CLDN14: variants seen among roughly 807,000 people sequenced by gnomAD.
CLDN14 encodes the protein claudin-14.
In CLDN14, 2 loss-of-function variants were observed where a neutral mutation model predicts 2.1. The observed-to-expected ratio is 0.96, with a 90% CI of 0.39 to 3.01. The LOEUF (loss-of-function observed/expected upper bound fraction) is 3.01. Ranked by LOEUF, CLDN14 falls within the 30% of genes most tolerant of loss-of-function variation. CLDN14 has a pLI of 0.09. For synonymous variants in CLDN14, 136 were observed against 154.4 expected, an observed-to-expected ratio of 0.88 and a Z score of 0.88; for missense variants, 298 against 328.0, an observed-to-expected ratio of 0.91 and a Z score of 0.71.
chr21:36,507,275 C>T (rs1191323420), intron 2 of CLDN14, among the ~76,000 whole-genome samples: 2 of 152,148 alleles, frequency 1.3e-5, no homozygotes, highest in East Asian at 3.8e-4. Flanking sequence ...TTCTCTCAAC[C>T]CATGGCTGTG....
At chr21:36,466,627 A>G (rs1446181371) in intron 1 of CLDN14, among the ~76,000 whole-genome samples, 1 of 152,108 alleles carries the variant, frequency 6.6e-6, no homozygotes, top group Non-Finnish European at 1.5e-5. Flanking sequence ...ACAATTCAAG[A>G]TGAGATTTGG....
chr21:36,481,073 G>A (rs1338619703), upstream of CLDN14: 3 of 152,192 alleles, frequency 2.0e-5, no homozygotes, highest in African/African-American at 7.2e-5. Flanking sequence ...GTTTTTGGAA[G>A]TGAACAGTCA....
chr21:36,556,204 G>T (rs948142441), intron 1 of CLDN14, among the ~76,000 whole-genome samples: 1 of 152,060 alleles, frequency 6.6e-6, no homozygotes, highest in Non-Finnish European at 1.5e-5. Context: ...GCTTCTCTTG[G>T]GTCCTCAATT....
At chr21:36,475,439 C>A (rs1167467371) in intron 1 of CLDN14, among the ~76,000 whole-genome samples, 1 of 152,254 alleles carries the variant, frequency 6.6e-6, no homozygotes, top group Non-Finnish European at 1.5e-5. Flanking sequence ...GATGCCCTGG[C>A]TACCTCCAGA....
chr21:36,572,170 T>C (rs149711074), intron 1 of CLDN14, among the ~76,000 whole-genome samples: 123 of 152,316 alleles, frequency 8.1e-4, no homozygotes, highest in African/African-American at 2.8e-3. Flanking sequence ...TATCCAAGGC[T>C]TTTACTGCCT....
intron 2 of CLDN14, among the ~76,000 whole-genome samples, chr21:36,497,637 G>A (rs1302888134): frequency 2.0e-5 from 3 of 152,048 alleles, no homozygotes; most frequent in South Asian, 2.1e-4. Flanking sequence ...ACCTAAGCCC[G>A]GAAAGCCGGA....
chr21:36,500,164 C>G (rs1183428376), intron 2 of CLDN14, among the ~76,000 whole-genome samples: 1 of 152,122 alleles, frequency 6.6e-6, no homozygotes, highest in Non-Finnish European at 1.5e-5. Context: ...TATCCAGGAG[C>G]CTAACACCAG....
chr21:36,484,477 C>T (rs1222698522), upstream of CLDN14, among the ~76,000 whole-genome samples: 8 of 152,134 alleles, frequency 5.3e-5, no homozygotes, highest in Non-Finnish European at 1.2e-4. Context: ...GGCCAAGAGT[C>T]CAAAACCAAG....
intron 1 of CLDN14, among the ~76,000 whole-genome samples, chr21:36,549,179 C>T (rs1365355658): frequency 6.0e-5 from 9 of 150,364 alleles, no homozygotes; most frequent in African/African-American, 2.0e-4. Flanking sequence ...CATCTTGCTA[C>T]GATTTCTGTC....
intron 1 of CLDN14, among the ~76,000 whole-genome samples, chr21:36,525,347 A>C (rs2087315535): frequency 6.6e-6 from 1 of 151,934 alleles, no homozygotes; most frequent in African/African-American, 2.4e-5. Context: ...TGAGTCTTGA[A>C]GGATGAAGAG....
chr21:36,509,740 C>T (rs2087168226), intron 2 of CLDN14, among the ~76,000 whole-genome samples: 2 of 152,064 alleles, frequency 1.3e-5, no homozygotes, highest in East Asian at 3.8e-4. Context: ...GGACTACAGG[C>T]ACACGCCACC....
intron 1 of CLDN14, among the ~76,000 whole-genome samples, chr21:36,554,740 T>C (rs190356450): frequency 1.3e-5 from 2 of 152,160 alleles, no homozygotes; most frequent in East Asian, 1.9e-4. Context: ...CACCCGTTGA[T>C]AGTTAAAGTT....
intron 1 of CLDN14, among the ~76,000 whole-genome samples, chr21:36,566,197 T>C (rs533634548): frequency 1.1e-4 from 16 of 152,332 alleles, no homozygotes; most frequent in African/African-American, 3.8e-4. Flanking sequence ...AACACACATA[T>C]AGGAGATAGC....
At chr21:36,502,659 T>C (rs1055612692) in intron 2 of CLDN14, among the ~76,000 whole-genome samples, 3 of 152,236 alleles carry the variant, frequency 2.0e-5, no homozygotes, top group African/African-American at 7.2e-5. Flanking sequence ...TTGTACAGTA[T>C]TTGACACGGA....
At chr21:36,563,659 T>G (rs1002356055) in intron 1 of CLDN14, among the ~76,000 whole-genome samples, 2 of 152,182 alleles carry the variant, frequency 1.3e-5, no homozygotes, top group African/African-American at 4.8e-5. Context: ...AGGAAACGAT[T>G]ATTAGAAAAT....
chr21:36,486,048 C>A lies in CLDN14; in HGVS notation c.-81-24272G>T, dbSNP rs149420767. The A allele has an allele frequency of 2.1e-4, 300 of 1,431,438 alleles. No homozygotes were observed. In the African/African-American group the frequency reaches 3.6e-3, roughly 17 times the overall value. The allele number at this position is 1,431,438 out of a possible 1,614,324, so 88.7% of individuals were successfully genotyped here. Reference sequence around the variant, plus strand: ...TTGGTGGCCTGGCAGGCCAGGGAGCCCACAGCGTTTCAAATGGCTTCATTG... The same window carrying A: ...TTGGTGGCCTGGCAGGCCAGGGAGCACACAGCGTTTCAAATGGCTTCATTG... On this transcript the variant is annotated intron_variant, in intron 2 of 2. Transcript: ENST00000342108.
At chr21:36,483,546 G>A (rs947437573), upstream of CLDN14, among the ~76,000 whole-genome samples, 1 of 152,234 alleles carries the variant, frequency 6.6e-6, no homozygotes, top group Non-Finnish European at 1.5e-5. Context: ...AGGCCTCATA[G>A]GAACCATGCG....
chr21:36,542,695 C>G (rs1055542792), intron 1 of CLDN14: 2 of 152,196 alleles, frequency 1.3e-5, no homozygotes, highest in East Asian at 3.9e-4. Context: ...CTCCCAGAGG[C>G]CCCCCAGCAG....
chr21:36,506,528 C>T (rs57929193), intron 2 of CLDN14, among the ~76,000 whole-genome samples: 6,526 of 147,454 alleles, frequency 0.044, 473 homozygotes, highest in African/African-American at 0.15. Flanking sequence ...ACCGGGGGGG[C>T]GGAGGTTGCA....
Sources: allele counts gnomAD v4.1 joint callset (sites outside exome capture counted in the v4.1 genomes callset), GRCh38; gene constraint gnomAD v4.1.1; transcripts MANE v1.5; gene names NCBI Gene and HGNC (gene_info 2026-07-23, HGNC 2026-07-21).